RAPGEF1: variants seen among roughly 807,000 people sequenced by gnomAD.
RAPGEF1 encodes CRK SH3-binding GNRP.
RAPGEF1 carries 33 observed loss-of-function variants against 143.3 expected under a neutral mutation model. That is an observed-to-expected ratio of 0.23 (90% CI 0.17 to 0.31). The LOEUF is 0.31. Among genes scored for constraint, RAPGEF1 ranks in the 10% least tolerant of loss-of-function variants. The pLI is 1.00. For missense variants in RAPGEF1, 1,199 were observed against 1,645.4 expected, an observed-to-expected ratio of 0.73 and a Z score of 4.69; for synonymous variants, 629 against 676.5, an observed-to-expected ratio of 0.93 and a Z score of 1.09.
At chr9:131,648,911 G>T (rs1414170875) in intron 3 of RAPGEF1, among the ~76,000 whole-genome samples, 1 of 152,172 alleles carries the variant, frequency 6.6e-6, no homozygotes, top group East Asian at 1.9e-4. Context: ...TTTACCAGCG[G>T]CATTAAATGG....
At chr9:131,672,977 A>G (rs1831657561) in intron 1 of RAPGEF1, among the ~76,000 whole-genome samples, 1 of 152,176 alleles carries the variant, frequency 6.6e-6, no homozygotes, top group African/African-American at 2.4e-5. Flanking sequence ...CATAAGAACC[A>G]GGGGGCCAAA....
intron 1 of RAPGEF1, among the ~76,000 whole-genome samples, chr9:131,683,534 G>A (rs1436698231): frequency 6.6e-6 from 1 of 152,212 alleles, no homozygotes; most frequent in Non-Finnish European, 1.5e-5. Context: ...GCCTTTAATA[G>A]CCATAGATTT....
rs1952135182 is a variant in RAPGEF1, at chr9:131,583,109, C to G, written c.3415-407G>C. Among the ~76,000 whole-genome samples, 5 of 152,214 alleles carry G rather than the reference C, an allele frequency of 3.3e-5. No homozygotes were observed. Among genetic ancestry groups the G allele is most frequent in the Admixed American group, 2.6e-4 (4 of 15,290 alleles). ...CTCCTGACTCGGAGCTGCCTTTGCT[C>G]TGCCCTGTACTCAGGGAGGACCAAC... On this transcript the variant is annotated intron_variant, in intron 24 of 26. Coordinates refer to ENST00000683357, the MANE Select transcript of RAPGEF1 (RefSeq NM_001377935.1). This position sits in a 1 kb window ranked among gnomAD's most constrained non-coding sequence, Gnocchi z 4.7.
chr9:131,586,101 C>T (rs949843452), intron 22 of RAPGEF1, among the ~76,000 whole-genome samples: 3 of 152,030 alleles, frequency 2.0e-5, no homozygotes, highest in African/African-American at 7.3e-5. Flanking sequence ...ATGGCGTGAA[C>T]CCGGGAGGTG....
rs1000425931 is a variant in RAPGEF1, at chr9:131,641,884, G to C, written c.494+1355C>G. 5.3e-5 allele frequency among the ~76,000 whole-genome samples: 8 copies of C among 152,256 alleles called. No homozygotes were observed. Among genetic ancestry groups the C allele is most frequent in the African/African-American group, 1.9e-4 (8 of 41,472 alleles). On this transcript the variant is annotated intron_variant, in intron 4 of 26. Coordinates refer to ENST00000683357, the MANE Select transcript of RAPGEF1 (RefSeq NM_001377935.1). The surrounding 1 kb of genome is among the most constrained non-coding windows in gnomAD (Gnocchi z 4.6). ...CAGGGAGGAAGCCCCAGGGCAGAGA[G>C]TTTCTTGTAAATAAAGACACTATTT... is the stretch of plus-strand genomic sequence containing the variant.
intron 16 of RAPGEF1, among the ~76,000 whole-genome samples, chr9:131,596,599 G>A (rs1429859956): frequency 1.3e-5 from 2 of 152,208 alleles, no homozygotes; most frequent in African/African-American, 2.4e-5. Context: ...CTGTGTCTGG[G>A]AGCTGGATGG....
chr9:131,588,338 G>C (rs751651760), intron 20 of RAPGEF1, among the ~76,000 whole-genome samples: 1 of 152,210 alleles, frequency 6.6e-6, no homozygotes, highest in Admixed American at 6.5e-5. Context: ...CTCACGGCTG[G>C]AGCCCACTTC....
intron 1 of RAPGEF1, among the ~76,000 whole-genome samples, chr9:131,676,563 C>T (rs995544196): frequency 2.0e-5 from 3 of 152,164 alleles, no homozygotes; most frequent in South Asian, 2.1e-4. Flanking sequence ...ATACCTGGAA[C>T]GACACCTCCT....
chr9:131,650,327 G>C lies in RAPGEF1; in HGVS notation c.202-85C>G. 9.9e-7 allele frequency: 1 copy of C among 1,010,748 alleles called. No homozygotes were observed. The highest frequency in any genetic ancestry group is 1.5e-5 in the South Asian group (1 of 67,964). The allele number at this position is 1,010,748 out of a possible 1,614,324, so 62.6% of individuals were successfully genotyped here. ...GAGGGGTTGATGAAAGTCAATAGCT[G>C]TTTCAACATATCTGGCTTGACTGGC... On this transcript the variant is annotated intron_variant, in intron 2 of 26. Transcript: ENST00000683357. The surrounding 1 kb of genome is among the most constrained non-coding windows in gnomAD (Gnocchi z 4.7).
chr9:131,736,045 T>A (rs750122008), intron 1 of RAPGEF1, among the ~76,000 whole-genome samples: 5 of 152,172 alleles, frequency 3.3e-5, no homozygotes, highest in Non-Finnish European at 7.4e-5. Context: ...TTGGAAGATA[T>A]ATGAGCAAAA....
At chr9:131,659,953 G>C (rs1186030522) in intron 1 of RAPGEF1, among the ~76,000 whole-genome samples, 1 of 152,128 alleles carries the variant, frequency 6.6e-6, no homozygotes, top group Non-Finnish European at 1.5e-5. Context: ...TGAGTAGCTG[G>C]AACTACAGGC....
intron 1 of RAPGEF1, among the ~76,000 whole-genome samples, chr9:131,722,880 A>C (rs1029783400): frequency 6.6e-6 from 1 of 151,682 alleles, no homozygotes; most frequent in African/African-American, 2.4e-5. Flanking sequence ...TAAAAAACAA[A>C]ACAAACAAAC....
rs62581387 is a variant in RAPGEF1 at position 131,582,531 on chromosome 9, G to A, written c.3512+74C>T. ...CCTAAATTAAGATTTCTCTGCTGGA[G>A]CCTGACAGATCTTCCCCAGAGCAAT... On this transcript the variant is annotated intron_variant, in intron 25 of 26. Transcript: ENST00000683357. The A allele has an allele frequency of 2.7e-3, 3,025 of 1,108,466 alleles. 7 individuals are homozygous for A. The highest frequency in any genetic ancestry group is 3.8e-3 in the Admixed American group (130 of 34,366). 68.7% of individuals were successfully genotyped at this position (1,108,466 alleles called of 1,614,324 possible).
intron 12 of RAPGEF1, among the ~76,000 whole-genome samples, chr9:131,616,180 A>AT (rs1279368301): frequency 2.6e-5 from 4 of 152,054 alleles, no homozygotes; most frequent in African/African-American, 9.7e-5. Flanking sequence ...AGGCAGGAGA[A>AT]CGCTTGAACC....
At chr9:131,640,422 A>C (rs1206528916) in intron 4 of RAPGEF1, among the ~76,000 whole-genome samples, 1 of 152,228 alleles carries the variant, frequency 6.6e-6, no homozygotes. Flanking sequence ...CGTTTCCCGG[A>C]AGGTGCTGGA....
chr9:131,661,685 C>G (rs1420130581), intron 1 of RAPGEF1, among the ~76,000 whole-genome samples: 1 of 152,160 alleles, frequency 6.6e-6, no homozygotes, highest in South Asian at 2.1e-4. Flanking sequence ...AGATTAACAA[C>G]TGCAAAGTTC....
intron 12 of RAPGEF1, among the ~76,000 whole-genome samples, chr9:131,617,127 T>C (rs976242251): frequency 1.3e-5 from 2 of 152,226 alleles, no homozygotes; most frequent in African/African-American, 4.8e-5. Context: ...AACAGTCCAG[T>C]TCATTCATAG....
intron 1 of RAPGEF1, among the ~76,000 whole-genome samples, chr9:131,665,285 T>C (rs552629994): frequency 5.4e-4 from 82 of 152,314 alleles, no homozygotes; most frequent in African/African-American, 1.9e-3. Flanking sequence ...ACAGGACATT[T>C]CACCCTTCCA....
intron 1 of RAPGEF1, among the ~76,000 whole-genome samples, chr9:131,657,135 G>A (rs1042217202): frequency 6.6e-6 from 1 of 152,234 alleles, no homozygotes; most frequent in Non-Finnish European, 1.5e-5. Context: ...TGAGTGCTGA[G>A]GAGGTACTAT....
Sources: gnomAD v4.1 joint callset for allele counts (sites outside exome capture counted in the v4.1 genomes callset) on GRCh38, gnomAD v4.1.1 for gene constraint, Gnocchi (gnomAD v3.1) non-coding constraint, MANE v1.5 for transcripts, NCBI Gene and HGNC (gene_info 2026-07-23, HGNC 2026-07-21) for gene names.